The following SLCO5A1 variants were observed in gnomAD, a reference collection of about 807,000 sequenced individuals.
The protein encoded by SLCO5A1 is organic anion transporter polypeptide-related protein 4.
SLCO5A1 carries 39 observed loss-of-function variants against 65.1 expected under a neutral mutation model. The ratio of observed to expected loss-of-function variants is 0.60; its 90% CI spans 0.46 to 0.78. The LOEUF is 0.78. Ranked by LOEUF, SLCO5A1 falls within the 30% of genes least tolerant of loss-of-function variation. SLCO5A1 has a pLI of 0.00. For synonymous variants in SLCO5A1, 438 were observed against 415.7 expected (o/e 1.05, Z -0.65); for missense variants, 1,029 against 1,069.4 (o/e 0.96, Z 0.53).
chr8:69,780,484 A>T (rs1818746472), intron 2 of SLCO5A1, among the ~76,000 whole-genome samples: 2 of 152,192 alleles, frequency 1.3e-5, no homozygotes, highest in African/African-American at 2.4e-5. Context: ...AAAAAATAAC[A>T]TTGTATCTTT....
rs1817511555 is a variant in SLCO5A1, at chr8:69,755,649, A to G, written c.1041-8T>C. On this transcript the variant is annotated splice_polypyrimidine_tract_variant and splice_region_variant and intron_variant, in intron 3 of 9. Transcript: ENST00000260126. ...AGGAGGAATCCACTCCACCTAAAAA[A>G]TTGGAAAATGTGAATAGCATTTACG... is the stretch of plus-strand genomic sequence containing the variant. 6.2e-7 allele frequency: 1 copy of G among 1,604,030 alleles called. No individual in the cohort carries two copies. Among genetic ancestry groups the G allele is most frequent in the African/African-American group, 1.3e-5 (1 of 74,230 alleles).
intron 2 of SLCO5A1, among the ~76,000 whole-genome samples, chr8:69,772,518 C>T (rs941706736): frequency 4.7e-5 from 6 of 127,536 alleles, no homozygotes; most frequent in Admixed American, 1.9e-4. Context: ...GGTGACAGAG[C>T]GAGAAAAAAG....
intron 2 of SLCO5A1, among the ~76,000 whole-genome samples, chr8:69,790,693 A>G (rs147301307): frequency 4.2e-4 from 64 of 152,318 alleles, no homozygotes; most frequent in Middle Eastern, 3.4e-3. Context: ...AGAAACTGTG[A>G]TACGTGCACA....
At chr8:69,702,972 TG>T in intron 6 of SLCO5A1, among the ~76,000 whole-genome samples, 1 of 151,382 alleles carries the variant, frequency 6.6e-6, no homozygotes, top group Non-Finnish European at 1.5e-5. Context: ...TAGCCAGACA[TG>T]GTGGTGCATG....
At chr8:69,812,125 A>C (rs16936454) in intron 2 of SLCO5A1, among the ~76,000 whole-genome samples, 4,360 of 152,308 alleles carry the variant, frequency 0.029, 174 homozygotes, top group African/African-American at 0.098. Context: ...GCTCACAGAT[A>C]ACCTTAAATT....
chr8:69,720,967 A>T (rs181067786), intron 5 of SLCO5A1, among the ~76,000 whole-genome samples: 4 of 152,374 alleles, frequency 2.6e-5, no homozygotes, highest in African/African-American at 9.6e-5. Context: ...TTACAAAAAC[A>T]GGAAGCAGGC....
At chr8:69,683,601 C>T (rs1247980947) in intron 6 of SLCO5A1, among the ~76,000 whole-genome samples, 1 of 151,444 alleles carries the variant, frequency 6.6e-6, no homozygotes, top group Non-Finnish European at 1.5e-5. Context: ...CTCACTCTGT[C>T]GCCCAGGCTG....
At chr8:69,830,933 G>T (rs1264745303) in intron 2 of SLCO5A1, among the ~76,000 whole-genome samples, 2 of 152,196 alleles carry the variant, frequency 1.3e-5, no homozygotes, top group African/African-American at 4.8e-5. Flanking sequence ...CTTCATAAAG[G>T]TAAGCCAGTC....
chr8:69,778,563 T>A (rs1481038089), intron 2 of SLCO5A1, among the ~76,000 whole-genome samples: 2 of 152,238 alleles, frequency 1.3e-5, no homozygotes, highest in East Asian at 3.8e-4. Flanking sequence ...GTTTTCCTTA[T>A]AACTTTTCAT....
At chr8:69,750,641 C>T (rs913195656) in intron 4 of SLCO5A1, among the ~76,000 whole-genome samples, 1 of 152,152 alleles carries the variant, frequency 6.6e-6, no homozygotes, top group Admixed American at 6.5e-5. Context: ...TCCTGACACC[C>T]GCCTCCACCT....
intron 2 of SLCO5A1, among the ~76,000 whole-genome samples, chr8:69,779,784 G>T (rs1314692191): frequency 6.6e-6 from 1 of 152,004 alleles, no homozygotes; most frequent in Non-Finnish European, 1.5e-5. Context: ...ACACAAAAAG[G>T]TATCAAAATT....
chr8:69,712,137 A>G (rs16936356), intron 5 of SLCO5A1, among the ~76,000 whole-genome samples: 25,427 of 152,152 alleles, frequency 0.17, 2,650 homozygotes, highest in African/African-American at 0.3. Flanking sequence ...ACTCACTGCA[A>G]CATTAAGTGC....
At position 69,673,170 on chromosome 8, in the gene SLCO5A1, C is replaced by T. The variant is rs770600931; in HGVS notation, c.2246G>A (p.Gly749Glu). The change falls in exon 10 of 10, where the codon GGG (glycine) becomes GAG (glutamate). Residue 749 changes from glycine to glutamate, a missense_variant. Coordinates refer to ENST00000260126, the MANE Select transcript of SLCO5A1 (RefSeq NM_030958.3). ...CCAGGCCAGAAAAATAAAAATAAAC[C>T]CAACGAATTTGAGGCCGGCAGCCAA... ...FGLAAGLKFV[G>E]FIFIFLAWYS... The T allele has an allele frequency of 5.0e-6, 8 of 1,614,134 alleles. No individual in the cohort carries two copies. In the South Asian group the frequency reaches 8.8e-5, roughly 18 times the overall value.
intron 2 of SLCO5A1, among the ~76,000 whole-genome samples, chr8:69,793,209 C>T (rs1819344622): frequency 6.6e-6 from 1 of 152,124 alleles, no homozygotes; most frequent in Non-Finnish European, 1.5e-5. Flanking sequence ...GTCTCACACT[C>T]CTGACCTCAA....
At chr8:69,764,541 A>G (rs1041772045) in intron 2 of SLCO5A1, among the ~76,000 whole-genome samples, 4 of 152,206 alleles carry the variant, frequency 2.6e-5, no homozygotes, top group Admixed American at 6.5e-5. Flanking sequence ...GTGTTTGGAA[A>G]TGGAGAATGG....
intron 2 of SLCO5A1, among the ~76,000 whole-genome samples, chr8:69,796,684 T>A (rs1213707299): frequency 6.6e-6 from 1 of 151,618 alleles, no homozygotes; most frequent in East Asian, 1.9e-4. Flanking sequence ...TATGTATATA[T>A]ACGTGTGTAT....
At position 69,673,169 on chromosome 8, in the gene SLCO5A1, C is replaced by T. The variant is rs1232313807; in HGVS notation, c.2247G>A (p.Gly749=). 1.9e-6 allele frequency: 3 copies of T among 1,614,192 alleles called. No homozygotes were observed. In the East Asian group the frequency reaches 6.7e-5, roughly 36 times the overall value. The change falls in exon 10 of 10, where the codon GGG becomes GGA. Residue 749 remains glycine (G), a synonymous_variant. Transcript: ENST00000260126. The part of the protein sequence containing the change: ...FGLAAGLKFV[G]FIFIFLAWYS... The stretch of plus-strand genomic sequence containing the variant: ...ACCAGGCCAGAAAAATAAAAATAAA[C>T]CCAACGAATTTGAGGCCGGCAGCCA...
intron 2 of SLCO5A1, among the ~76,000 whole-genome samples, chr8:69,821,504 G>A (rs1163781912): frequency 6.6e-6 from 1 of 151,912 alleles, no homozygotes; most frequent in Non-Finnish European, 1.5e-5. Flanking sequence ...AAAAGAAGAA[G>A]AAGAAGAAAA....
intron 6 of SLCO5A1, among the ~76,000 whole-genome samples, chr8:69,687,053 C>T (rs11775792): frequency 0.11 from 17,314 of 152,250 alleles, 1,250 homozygotes; most frequent in Non-Finnish European, 0.17. Flanking sequence ...GGTATCTTTC[C>T]GCACTTAACA....
Sources: gnomAD v4.1 joint callset for allele counts (sites outside exome capture counted in the v4.1 genomes callset) on GRCh38, gnomAD v4.1.1 for gene constraint, MANE v1.5 for transcripts, NCBI Gene and HGNC (gene_info 2026-07-23, HGNC 2026-07-21) for gene names.